ERC2: variants seen among roughly 807,000 people sequenced by gnomAD.
ERC2 encodes the protein ERC protein 2.
Under a neutral mutation model 114.8 loss-of-function variants are expected in ERC2, and 42 were observed. That is an observed-to-expected ratio of 0.37 (90% CI 0.29 to 0.47). The LOEUF (loss-of-function observed/expected upper bound fraction) is 0.47, where lower values mean the gene tolerates loss of function less well. Ranked by LOEUF, ERC2 falls within the 20% of genes least tolerant of loss-of-function variation. The probability of loss-of-function intolerance (pLI) is 0.99; values close to 1 mark genes in which losing one functional copy is unlikely to be tolerated. For missense variants in ERC2, 939 were observed against 1,150.7 expected, an observed-to-expected ratio of 0.82 and a Z score of 2.66; for synonymous variants, 454 against 425.5, an observed-to-expected ratio of 1.07 and a Z score of -0.82.
At chr3:55,918,986 A>C (rs897324657) in intron 13 of ERC2, among the ~76,000 whole-genome samples, 3 of 152,142 alleles carry the variant, frequency 2.0e-5, no homozygotes, top group Non-Finnish European at 4.4e-5. Flanking sequence ...ACGTTTTCTC[A>C]AAGAGAAATG....
intron 4 of ERC2, among the ~76,000 whole-genome samples, chr3:56,169,974 T>C (rs1432984052): frequency 6.6e-6 from 1 of 152,182 alleles, no homozygotes; most frequent in East Asian, 1.9e-4. Context: ...TCAACTGTCA[T>C]TCTTATTGAC....
chr3:56,132,458 C>T (rs2080258918), intron 6 of ERC2, among the ~76,000 whole-genome samples: 1 of 152,192 alleles, frequency 6.6e-6, no homozygotes, highest in South Asian at 2.1e-4. Flanking sequence ...ACACCTCCTC[C>T]TCCACCAGCA....
At chr3:55,539,349 T>C (rs1220051527) in intron 17 of ERC2, among the ~76,000 whole-genome samples, 1 of 151,824 alleles carries the variant, frequency 6.6e-6, no homozygotes, top group African/African-American at 2.4e-5. Context: ...CTTGGAGATT[T>C]TCTAAGACGT....
chr3:55,893,860 G>A (rs1288087471), intron 13 of ERC2, among the ~76,000 whole-genome samples: 2 of 152,148 alleles, frequency 1.3e-5, no homozygotes, highest in Non-Finnish European at 2.9e-5. Context: ...TCACATGTGT[G>A]TGCATATGCT....
At chr3:55,968,056 A>G (rs2149480035) in intron 12 of ERC2, among the ~76,000 whole-genome samples, 1 of 152,330 alleles carries the variant, frequency 6.6e-6, no homozygotes, top group East Asian at 1.9e-4. Flanking sequence ...TAAAGTGTCA[A>G]ATTCTTAATA....
chr3:56,025,521 T>C (rs1186426157), intron 7 of ERC2, among the ~76,000 whole-genome samples: 2 of 152,210 alleles, frequency 1.3e-5, no homozygotes, highest in African/African-American at 2.4e-5. Flanking sequence ...AGAGGCTATA[T>C]ACAAAGGCCC....
intron 2 of ERC2, among the ~76,000 whole-genome samples, chr3:56,319,601 T>G (rs879289972): frequency 1.3e-5 from 2 of 152,108 alleles, no homozygotes; most frequent in African/African-American, 2.4e-5. Flanking sequence ...CACTCAAAAA[T>G]TTATGAAGGG....
intron 6 of ERC2, among the ~76,000 whole-genome samples, chr3:56,120,277 C>A (rs2079500790): frequency 1.3e-5 from 2 of 152,288 alleles, no homozygotes; most frequent in South Asian, 4.2e-4. Context: ...TATGACAGTT[C>A]CCGCTCAGCC....
intron 14 of ERC2, among the ~76,000 whole-genome samples, chr3:55,750,214 A>ATTAT (rs2066600886): frequency 6.6e-6 from 1 of 152,226 alleles, no homozygotes; most frequent in African/African-American, 2.4e-5. Flanking sequence ...ATAATAGTTT[A>ATTAT]TTAACATCTT....
At chr3:56,173,343 T>C in intron 4 of ERC2, 103 bp downstream of exon 4, 1 of 1,118,516 alleles carries the variant, frequency 8.9e-7, no homozygotes, top group East Asian at 2.4e-5. Flanking sequence ...GCAGGGTGCC[T>C]AGAGAAAAAC....
chr3:56,400,836 C>G (rs1316550469), intron 2 of ERC2, among the ~76,000 whole-genome samples: 1 of 152,164 alleles, frequency 6.6e-6, no homozygotes, highest in Non-Finnish European at 1.5e-5. Flanking sequence ...AAAATTTAGT[C>G]TGACGTATGC....
At chr3:55,963,413 A>G (rs1242688697) in intron 12 of ERC2, among the ~76,000 whole-genome samples, 1 of 152,218 alleles carries the variant, frequency 6.6e-6, no homozygotes, top group Non-Finnish European at 1.5e-5. Flanking sequence ...ACAGAAGCTC[A>G]ACACAACGTT....
At chr3:55,555,490 C>T (rs548048435) in intron 17 of ERC2, among the ~76,000 whole-genome samples, 9 of 152,240 alleles carry the variant, frequency 5.9e-5, no homozygotes, top group South Asian at 2.1e-4. Flanking sequence ...GTACCAGGGC[C>T]GCTTGCAATG....
At chr3:56,371,440 C>T (rs983827109) in intron 2 of ERC2, among the ~76,000 whole-genome samples, 2 of 152,214 alleles carry the variant, frequency 1.3e-5, no homozygotes, top group African/African-American at 4.8e-5. Context: ...CTCACTCTAC[C>T]ACCTGCCTGT....
chr3:56,428,053 G>C (rs2061639456), intron 2 of ERC2, among the ~76,000 whole-genome samples: 1 of 151,924 alleles, frequency 6.6e-6, no homozygotes, highest in Non-Finnish European at 1.5e-5. Flanking sequence ...GACTTATAGT[G>C]GTAGAAAAAA....
At chr3:56,167,509 C>G (rs772451949) in intron 4 of ERC2, among the ~76,000 whole-genome samples, 2 of 152,070 alleles carry the variant, frequency 1.3e-5, no homozygotes, top group Non-Finnish European at 1.5e-5. Context: ...TAAGTGACAA[C>G]CATATATCAT....
intron 17 of ERC2, among the ~76,000 whole-genome samples, chr3:55,517,822 A>G (rs2052635285): frequency 6.6e-6 from 1 of 152,262 alleles, no homozygotes; most frequent in South Asian, 2.1e-4. Context: ...AAAAGATCAG[A>G]TATCTGCCAT....
intron 17 of ERC2, among the ~76,000 whole-genome samples, chr3:55,598,450 T>C (rs769156952): frequency 5.9e-5 from 9 of 152,366 alleles, no homozygotes; most frequent in South Asian, 4.1e-4. Context: ...CAGGCTGCTA[T>C]GAAGACTAAT....
chr3:55,912,432 G>A (rs1030117762), intron 13 of ERC2, among the ~76,000 whole-genome samples: 2 of 152,160 alleles, frequency 1.3e-5, no homozygotes, highest in African/African-American at 4.8e-5. Flanking sequence ...AAAATGAAAA[G>A]TGACTTCAGT....
Sources: allele counts gnomAD v4.1 joint callset (sites outside exome capture counted in the v4.1 genomes callset), GRCh38; gene constraint gnomAD v4.1.1; transcripts MANE v1.5; gene names NCBI Gene and HGNC (gene_info 2026-07-23, HGNC 2026-07-21).